ARK2N: variants seen among roughly 807,000 people sequenced by gnomAD.
The protein encoded by ARK2N is arkadia (RNF111) N-terminal like PKA signaling regulator 2N.
chr18:46,229,025 A>G, the ARK2N span: 5 of 379,070 alleles, frequency 1.3e-5, no homozygotes, highest in African/African-American at 4.1e-5. Context: ...GCCAGAATAC[A>G]CTGATTAAAT....
At chr18:46,234,284 G>A in the ARK2N span, among the ~76,000 whole-genome samples, 1 of 152,064 alleles carries the variant, frequency 6.6e-6, no homozygotes, top group Non-Finnish European at 1.5e-5. Context: ...TGCAACCTCT[G>A]CCTCCCAGGT....
the ARK2N span, among the ~76,000 whole-genome samples, chr18:46,190,737 G>A: frequency 6.6e-6 from 1 of 152,128 alleles, no homozygotes; most frequent in Non-Finnish European, 1.5e-5. Flanking sequence ...CACCCCTGTA[G>A]TGTAGCGTGG....
chr18:46,215,677 C>G, the ARK2N span: 1 of 417,662 alleles, frequency 2.4e-6, no homozygotes, highest in Admixed American at 3.9e-5. Flanking sequence ...ATCAAACAAG[C>G]AGATAATAAT....
the ARK2N span, among the ~76,000 whole-genome samples, chr18:46,179,551 C>T: frequency 6.6e-6 from 1 of 152,080 alleles, no homozygotes; most frequent in Non-Finnish European, 1.5e-5. Context: ...TCACACTCAG[C>T]CTACAGGGCC....
the ARK2N span, among the ~76,000 whole-genome samples, chr18:46,202,703 G>T: frequency 2.0e-5 from 3 of 151,258 alleles, no homozygotes; most frequent in Non-Finnish European, 4.4e-5. Flanking sequence ...GAGGAGAATC[G>T]CTTGAACCCG....
the ARK2N span, among the ~76,000 whole-genome samples, chr18:46,253,529 A>G: frequency 6.6e-6 from 1 of 152,236 alleles, no homozygotes; most frequent in Non-Finnish European, 1.5e-5. Flanking sequence ...TTTTTTGAAC[A>G]AAGAACACTG....
the ARK2N span, among the ~76,000 whole-genome samples, chr18:46,252,673 C>T: frequency 6.6e-6 from 1 of 151,888 alleles, no homozygotes; most frequent in Non-Finnish European, 1.5e-5. Flanking sequence ...AATAAAAATA[C>T]CCTTTAGAGG....
the ARK2N span, among the ~76,000 whole-genome samples, chr18:46,249,528 G>C: frequency 6.6e-6 from 1 of 152,090 alleles, no homozygotes; most frequent in Non-Finnish European, 1.5e-5. Context: ...CACCACGCCC[G>C]GCCTTGCATT....
At chr18:46,188,482 G>A in the ARK2N span, among the ~76,000 whole-genome samples, 6 of 152,060 alleles carry the variant, frequency 3.9e-5, no homozygotes, top group Non-Finnish European at 2.9e-5. Flanking sequence ...GATTACAGGC[G>A]TGAGCCGCGA....
chr18:46,174,093 T>G, the ARK2N span: 2 of 152,584 alleles, frequency 1.3e-5, no homozygotes. Context: ...CGCGGACGAC[T>G]GAAGGGACTT....
At chr18:46,216,750 A>G in the ARK2N span, 31 of 664,144 alleles carry the variant, frequency 4.7e-5, no homozygotes, top group East Asian at 6.9e-4. The surrounding 1 kb of genome is among the most constrained non-coding windows in gnomAD (Gnocchi z 4.3). Context: ...TGGCCAATTT[A>G]TAAAACCTGT....
the ARK2N span, among the ~76,000 whole-genome samples, chr18:46,239,552 T>G: frequency 6.6e-6 from 1 of 152,248 alleles, no homozygotes; most frequent in Non-Finnish European, 1.5e-5. Context: ...TGATTTTCTT[T>G]TCTGAATCTA....
chr18:46,182,147 A>C, the ARK2N span, among the ~76,000 whole-genome samples: 1 of 152,194 alleles, frequency 6.6e-6, no homozygotes, highest in African/African-American at 2.4e-5. Flanking sequence ...CTGTATTAAG[A>C]ACAAAAACTT....
chr18:46,243,818 G>T, the ARK2N span, among the ~76,000 whole-genome samples: 1 of 152,130 alleles, frequency 6.6e-6, no homozygotes, highest in Non-Finnish European at 1.5e-5. Context: ...TACTCCAAAA[G>T]GTTATTGTTA....
At chr18:46,196,978 G>A in the ARK2N span, among the ~76,000 whole-genome samples, 7 of 152,158 alleles carry the variant, frequency 4.6e-5, no homozygotes, top group Non-Finnish European at 8.8e-5. Context: ...AGAGAGCAAA[G>A]CATGTCAGGT....
the ARK2N span, among the ~76,000 whole-genome samples, chr18:46,234,609 A>G: frequency 6.7e-6 from 1 of 149,176 alleles, no homozygotes; most frequent in African/African-American, 2.5e-5. Context: ...TTCCTTCTGT[A>G]GCTCTTGAGG....
the ARK2N span, among the ~76,000 whole-genome samples, chr18:46,210,133 T>C: frequency 6.6e-6 from 1 of 152,188 alleles, no homozygotes; most frequent in Non-Finnish European, 1.5e-5. Flanking sequence ...AGAGAACAGG[T>C]TGGTGCATAG....
At chr18:46,199,573 C>T in the ARK2N span, among the ~76,000 whole-genome samples, 9 of 151,178 alleles carry the variant, frequency 6.0e-5, no homozygotes, top group South Asian at 1.1e-3. Flanking sequence ...GTGATCCACC[C>T]GCCTCAGCCT....
the ARK2N span, among the ~76,000 whole-genome samples, chr18:46,211,902 A>G: frequency 1.3e-5 from 2 of 152,178 alleles, no homozygotes; most frequent in Admixed American, 1.3e-4. Flanking sequence ...TTATACTGCT[A>G]GCTACTTGAC....
Sources: allele counts gnomAD v4.1 joint callset (sites outside exome capture counted in the v4.1 genomes callset), GRCh38; gene constraint gnomAD v4.1.1; non-coding constraint Gnocchi (gnomAD v3.1); transcripts MANE v1.5; gene names NCBI Gene and HGNC (gene_info 2026-07-23, HGNC 2026-07-21).